The following NPAS3 variants were observed in gnomAD, a reference collection of about 807,000 sequenced individuals.
The protein encoded by NPAS3 is neuronal PAS domain-containing protein 3.
Under a neutral mutation model 73.1 loss-of-function variants are expected in NPAS3, and 14 were observed. The ratio of observed to expected loss-of-function variants is 0.19; its 90% CI spans 0.13 to 0.30. The LOEUF (loss-of-function observed/expected upper bound fraction) is 0.30. Ranked by LOEUF, NPAS3 falls within the 10% of genes least tolerant of loss-of-function variation. NPAS3 has a pLI of 1.00. For synonymous variants in NPAS3, 620 were observed against 541.5 expected (o/e 1.14, Z -2.01); for missense variants, 1,096 against 1,250.0 (o/e 0.88, Z 1.86).
chr14:33,020,051 C>A (rs890908312), intron 1 of NPAS3, among the ~76,000 whole-genome samples: 2 of 152,096 alleles, frequency 1.3e-5, no homozygotes, highest in African/African-American at 4.8e-5. Context: ...TATTTATATA[C>A]CTTGACAGAA....
At chr14:33,684,640 C>CAGTA (rs558067023) in intron 6 of NPAS3, among the ~76,000 whole-genome samples, 26 of 152,208 alleles carry the variant, frequency 1.7e-4, no homozygotes, top group South Asian at 4.1e-4. Context: ...CCACAGTGAT[C>CAGTA]AGTAAGTAAG....
chr14:33,722,282 G>C (rs919757127), intron 6 of NPAS3, among the ~76,000 whole-genome samples: 1 of 152,102 alleles, frequency 6.6e-6, no homozygotes, highest in Non-Finnish European at 1.5e-5. Context: ...TTTTGCCCAT[G>C]GTTTGAGAAA....
At chr14:33,119,339 A>C (rs952681855) in intron 2 of NPAS3, among the ~76,000 whole-genome samples, 2 of 152,106 alleles carry the variant, frequency 1.3e-5, no homozygotes, top group Non-Finnish European at 2.9e-5. Context: ...TAAGACAGAA[A>C]TGCTTGCCAA....
intron 5 of NPAS3, among the ~76,000 whole-genome samples, chr14:33,613,627 A>C (rs1410153540): frequency 6.6e-6 from 1 of 152,088 alleles, no homozygotes; most frequent in Non-Finnish European, 1.5e-5. Flanking sequence ...TCCCTGCCTC[A>C]GTGGCTTCCA....
intron 3 of NPAS3, among the ~76,000 whole-genome samples, chr14:33,221,848 A>G (rs1463858077): frequency 6.6e-6 from 1 of 152,150 alleles, no homozygotes; most frequent in Non-Finnish European, 1.5e-5. Flanking sequence ...TTGTAGGGGT[A>G]AAAGTGTAAT....
chr14:33,721,207 C>A (rs543940995), intron 6 of NPAS3, among the ~76,000 whole-genome samples: 2 of 152,256 alleles, frequency 1.3e-5, no homozygotes, highest in Admixed American at 1.3e-4. Context: ...ACCTTTAAGA[C>A]CACCTCTGTC....
chr14:32,955,543 A>G (rs376602944), intron 1 of NPAS3, among the ~76,000 whole-genome samples: 10 of 152,166 alleles, frequency 6.6e-5, no homozygotes, highest in African/African-American at 2.4e-4. Flanking sequence ...TCCATAACCA[A>G]TATTGAGGAC....
intron 4 of NPAS3, among the ~76,000 whole-genome samples, chr14:33,398,172 G>A (rs2047303619): frequency 6.6e-6 from 1 of 152,066 alleles, no homozygotes; most frequent in African/African-American, 2.4e-5. Flanking sequence ...TTTTGGGGAT[G>A]GCAGTTCACA....
At chr14:33,244,138 TA>T (rs75629405) in intron 3 of NPAS3, among the ~76,000 whole-genome samples, 1,829 of 142,306 alleles carry the variant, frequency 0.013, 23 homozygotes, top group African/African-American at 0.036. Context: ...CTACATTTGT[TA>T]AAAAAAAAAA....
chr14:33,800,488 C>T lies in NPAS3; in HGVS notation c.2181C>T (p.Arg727=). Residue 727 remains arginine (R), a synonymous_variant, in exon 12 of 12, where the codon CGC becomes CGT. Coordinates refer to ENST00000356141, the Ensembl canonical transcript of NPAS3. The surrounding 1 kb of genome is among the most constrained non-coding windows in gnomAD (Gnocchi z 6.5). ...CCGGCGCCGACGGCGCGGCCGCCCGCAAGACTCAGTTCGGCGCCTCGGCCA... is the reference window on the plus strand; with the variant it reads ...CCGGCGCCGACGGCGCGGCCGCCCGTAAGACTCAGTTCGGCGCCTCGGCCA... 6.8e-7 allele frequency: 1 copy of T among 1,477,704 alleles called. No homozygotes were observed. The highest frequency in any genetic ancestry group is 8.9e-7 in the Non-Finnish European group (1 of 1,120,778). The allele number at this position is 1,477,704 out of a possible 1,614,324, so 91.5% of individuals were successfully genotyped here.
At chr14:32,967,771 T>TG (rs71118518) in intron 1 of NPAS3, among the ~76,000 whole-genome samples, 64,804 of 146,744 alleles carry the variant, frequency 0.44, 14,619 homozygotes, top group Middle Eastern at 0.52. Context: ...CAACAGCATG[T>TG]GGGGGGGGGT....
At chr14:33,794,819 C>T (rs1199553124) in intron 10 of NPAS3, among the ~76,000 whole-genome samples, 3 of 152,070 alleles carry the variant, frequency 2.0e-5, no homozygotes, top group Non-Finnish European at 4.4e-5. Context: ...ACAGATTGGG[C>T]CATCTTGAGT....
chr14:33,781,781 T>C (rs2062986847), intron 9 of NPAS3, among the ~76,000 whole-genome samples: 2 of 152,254 alleles, frequency 1.3e-5, no homozygotes, highest in East Asian at 1.9e-4. Flanking sequence ...GACTTAATAG[T>C]CTTTGATAAC....
At chr14:33,572,916 G>A (rs534526430) in intron 5 of NPAS3, among the ~76,000 whole-genome samples, 40 of 151,268 alleles carry the variant, frequency 2.6e-4, no homozygotes, top group African/African-American at 8.3e-4. Flanking sequence ...CCAGCTACTC[G>A]GGAGTCTGAG....
chr14:33,761,735 T>C (rs1595567622), intron 7 of NPAS3, among the ~76,000 whole-genome samples: 2 of 152,326 alleles, frequency 1.3e-5, no homozygotes, highest in Middle Eastern at 6.8e-3. Context: ...AGGAAGGAAA[T>C]TTTTTAAAAA....
chr14:33,391,350 C>T (rs1474643223), intron 4 of NPAS3, among the ~76,000 whole-genome samples: 1 of 152,118 alleles, frequency 6.6e-6, no homozygotes, highest in Non-Finnish European at 1.5e-5. Flanking sequence ...TGCGCCACCA[C>T]ACCCAGCTAA....
At chr14:33,004,228 CATT>C (rs1277485187) in intron 1 of NPAS3, among the ~76,000 whole-genome samples, 1 of 152,146 alleles carries the variant, frequency 6.6e-6, no homozygotes, top group Admixed American at 6.6e-5. Flanking sequence ...AGAAATACAT[CATT>C]AGGCTCCTTT....
downstream of NPAS3, chr14:33,802,434 T>C (rs2063740226): frequency 6.6e-6 from 1 of 151,286 alleles, no homozygotes; most frequent in Admixed American, 6.6e-5. Context: ...TCCTATTTTG[T>C]CTTTGTTGCC....
chr14:33,291,041 C>G (rs546928221), intron 3 of NPAS3, among the ~76,000 whole-genome samples: 1 of 151,800 alleles, frequency 6.6e-6, no homozygotes, highest in Non-Finnish European at 1.5e-5. Context: ...CTCGGTGTAT[C>G]TAGGCTTTGC....
Sources: gnomAD v4.1 joint callset for allele counts (sites outside exome capture counted in the v4.1 genomes callset) on GRCh38, gnomAD v4.1.1 for gene constraint, Gnocchi (gnomAD v3.1) non-coding constraint, MANE v1.5 for transcripts, NCBI Gene and HGNC (gene_info 2026-07-23, HGNC 2026-07-21) for gene names.